HACE1: variants seen among roughly 807,000 people sequenced by gnomAD.
HACE1 encodes HECT domain and ankyrin repeat containing E3 ubiquitin protein ligase 1.
In HACE1, 73 loss-of-function variants were observed where a neutral mutation model predicts 118.4. The ratio of observed to expected loss-of-function variants is 0.62; its 90% CI spans 0.51 to 0.75. HACE1 has a LOEUF of 0.75. Among genes scored for constraint, HACE1 ranks in the 30% least tolerant of loss-of-function variants. The probability of loss-of-function intolerance (pLI) is 0.00; values close to 1 mark genes in which losing one functional copy is unlikely to be tolerated. For synonymous variants in HACE1, 368 were observed against 374.8 expected (o/e 0.98, Z 0.21); for missense variants, 749 against 1,102.2 (o/e 0.68, Z 4.54).
chr6:104,731,965 GA>G (rs1284682062), intron 22 of HACE1: 2 of 151,158 alleles, frequency 1.3e-5, no homozygotes, highest in Middle Eastern at 3.2e-3. Context: ...CACATGAAAA[GA>G]TGCTCAACAT....
chr6:104,795,753 T>A lies in HACE1; in HGVS notation c.817-68A>T, dbSNP rs942856686. ...CATTAAATCTTATCAAACAATTAAG[T>A]ACCTATTAAGTATCTTAAAGCCAAT... On this transcript the variant is annotated intron_variant, in intron 9 of 23. Coordinates refer to ENST00000262903, the MANE Select transcript of HACE1 (RefSeq NM_020771.4). The A allele has an allele frequency of 6.4e-6, 6 of 941,730 alleles. No homozygotes were observed. The Admixed American group carries it at 9.1e-5, about 14-fold the overall frequency. 58.3% of individuals were successfully genotyped at this position (941,730 alleles called of 1,614,324 possible). A position where few individuals can be genotyped will look rare whatever the true frequency, so the allele number is the denominator to read the frequency against.
chr6:104,802,830 A>C (rs1443685796), intron 7 of HACE1, among the ~76,000 whole-genome samples: 1 of 152,226 alleles, frequency 6.6e-6, no homozygotes, highest in Non-Finnish European at 1.5e-5. Flanking sequence ...AAACACATTC[A>C]AAAGCTAGCA....
At chr6:104,811,247 C>CAT (rs3995559) in intron 7 of HACE1, 64 bp downstream of exon 7, 23,088 of 204,280 alleles carry the variant, frequency 0.11, 422 homozygotes, top group South Asian at 0.15. Flanking sequence ...TTTATTTATA[C>CAT]ATATATATAT....
At chr6:104,843,618 T>TAACA (rs1775324389) in intron 4 of HACE1, among the ~76,000 whole-genome samples, 3 of 152,150 alleles carry the variant, frequency 2.0e-5, no homozygotes, top group Non-Finnish European at 4.4e-5. Flanking sequence ...ATTAGAAATA[T>TAACA]AACAAAATAC....
intron 3 of HACE1, among the ~76,000 whole-genome samples, chr6:104,849,496 A>C (rs1157529882): frequency 1.7e-5 from 2 of 118,050 alleles, no homozygotes; most frequent in Non-Finnish European, 3.4e-5. Flanking sequence ...AGCCACCACA[A>C]TTGGGTAATT....
chr6:104,851,526 C>T (rs958158739), intron 2 of HACE1, among the ~76,000 whole-genome samples: 6 of 152,170 alleles, frequency 3.9e-5, no homozygotes, highest in Admixed American at 2.0e-4. Flanking sequence ...CCTCATCTGC[C>T]ACTTGGATAA....
At chr6:104,805,360 AC>A (rs1770871118) in intron 7 of HACE1, among the ~76,000 whole-genome samples, 1 of 152,180 alleles carries the variant, frequency 6.6e-6, no homozygotes, top group South Asian at 2.1e-4. Context: ...CTGGGTATAT[AC>A]CCAATGGATT....
chr6:104,759,937 T>G (rs918951935), intron 19 of HACE1, among the ~76,000 whole-genome samples: 1 of 152,104 alleles, frequency 6.6e-6, no homozygotes, highest in East Asian at 1.9e-4. Context: ...GCAAATAAAC[T>G]AGAAAATCCA....
chr6:104,758,669 A>AT (rs1331085206), intron 19 of HACE1, among the ~76,000 whole-genome samples: 1 of 152,222 alleles, frequency 6.6e-6, no homozygotes, highest in African/African-American at 2.4e-5. Context: ...AGCTAGCATC[A>AT]TAATGACAGC....
At chr6:104,795,329 T>G (rs1016537852) in intron 10 of HACE1, among the ~76,000 whole-genome samples, 1 of 152,334 alleles carries the variant, frequency 6.6e-6, no homozygotes, top group South Asian at 2.1e-4. Flanking sequence ...AGTAATCATT[T>G]CACAAAATTC....
Position 104,859,780 on chromosome 6 carries a change from G to C in HACE1, c.-138C>G. ...CCCGGCTAGAGCACTGAGCTGCGAG[G>C]GCTGCCTGGGGCCACGTCCTGCGTC... On this transcript the variant is annotated 5_prime_UTR_variant, in exon 1 of 24. Coordinates refer to ENST00000262903, the MANE Select transcript of HACE1 (RefSeq NM_020771.4). The C allele has an allele frequency of 1.4e-6, 1 of 732,926 alleles. No individual in the cohort carries two copies. Among genetic ancestry groups the C allele is most frequent in the Non-Finnish European group, 2.1e-6 (1 of 471,956 alleles). The allele number at this position is 732,926 out of a possible 1,614,324, so 45.4% of individuals were successfully genotyped here.
intron 1 of HACE1, among the ~76,000 whole-genome samples, chr6:104,854,233 T>A (rs1297080300): frequency 3.3e-5 from 5 of 152,168 alleles, no homozygotes; most frequent in Admixed American, 6.5e-5. Context: ...ACTAAAGAAC[T>A]ATCACAGTTT....
chr6:104,739,531 A>G (rs572208004), intron 22 of HACE1, among the ~76,000 whole-genome samples: 18 of 152,162 alleles, frequency 1.2e-4, no homozygotes, highest in African/African-American at 3.9e-4. Context: ...TCTCTGATAA[A>G]ACAGACTTTA....
intron 22 of HACE1, among the ~76,000 whole-genome samples, chr6:104,737,549 G>A (rs1776033149): frequency 6.6e-6 from 1 of 152,150 alleles, no homozygotes; most frequent in South Asian, 2.1e-4. Flanking sequence ...CCCTTTCTGA[G>A]TCAAAGAAAG....
rs199947750 is a variant in HACE1, at chr6:104,843,426, C to A, written c.327-128G>T. 5.9e-5 allele frequency: 41 copies of A among 692,376 alleles called. No homozygotes were observed. The highest frequency in any genetic ancestry group is 3.1e-4 in the East Asian group (12 of 38,174). 42.9% of individuals were successfully genotyped at this position (692,376 alleles called of 1,614,324 possible). On this transcript the variant is annotated intron_variant, in intron 4 of 23. Coordinates refer to ENST00000262903, the MANE Select transcript of HACE1 (RefSeq NM_020771.4). ...ATCATAACATCTTTATCTGTAATAT[C>A]AAGCCATATCTGCAATATTTAAACA...
intron 4 of HACE1, among the ~76,000 whole-genome samples, chr6:104,847,803 T>C (rs1226451010): frequency 6.6e-6 from 1 of 151,868 alleles, no homozygotes; most frequent in East Asian, 1.9e-4. Flanking sequence ...TAGAGAAGTT[T>C]TTTGGGGTTT....
chr6:104,776,404 C>T (rs1433339747), intron 17 of HACE1, among the ~76,000 whole-genome samples: 1 of 152,128 alleles, frequency 6.6e-6, no homozygotes, highest in Non-Finnish European at 1.5e-5. Flanking sequence ...AAAATGTAGA[C>T]TCAAGGATAA....
chr6:104,777,234 A>G lies in HACE1; in HGVS notation c.1650T>C (p.Asn550=). 4 of 1,612,976 alleles carry G rather than the reference A, an allele frequency of 2.5e-6. No individual in the cohort carries two copies. The highest frequency in any genetic ancestry group is 3.4e-6 in the Non-Finnish European group (4 of 1,178,922). Reference sequence around the variant, plus strand: ...TGTGAACCAGCAGGATATCATTTTCATTCACTGGCCTGTGCACCATATCTG... The same window carrying G: ...TGTGAACCAGCAGGATATCATTTTCGTTCACTGGCCTGTGCACCATATCTG... The part of the protein sequence containing the change: ...PDSDMVHRPV[N]ENDILLVHRD... Residue 550 remains asparagine, a synonymous_variant, in exon 15 of 24, where the codon AAT becomes AAC. Transcript: ENST00000262903.
chr6:104,803,140 A>G (rs1315334989), intron 7 of HACE1, among the ~76,000 whole-genome samples: 4 of 151,880 alleles, frequency 2.6e-5, no homozygotes, highest in Admixed American at 2.6e-4. Context: ...GGACTAAACC[A>G]GGAAGAAGTT....
Sources: allele counts gnomAD v4.1 joint callset (sites outside exome capture counted in the v4.1 genomes callset), GRCh38; gene constraint gnomAD v4.1.1; transcripts MANE v1.5; gene names NCBI Gene and HGNC (gene_info 2026-07-23, HGNC 2026-07-21).